The following ERCC4 variants were observed in gnomAD, a reference collection of about 807,000 sequenced individuals.
ERCC4 encodes DNA repair endonuclease XPF.
Under a neutral mutation model 76.9 loss-of-function variants are expected in ERCC4, and 65 were observed. That is an observed-to-expected ratio of 0.84 (90% CI 0.69 to 1.04). The LOEUF is 1.04. Ranked by LOEUF, ERCC4 falls within the 50% of genes least tolerant of loss-of-function variation. The pLI is 0.00. For missense variants in ERCC4, 1,214 were observed against 1,128.2 expected, an observed-to-expected ratio of 1.08 and a Z score of -1.09; for synonymous variants, 463 against 410.1, an observed-to-expected ratio of 1.13 and a Z score of -1.56.
intron 5 of ERCC4, 168 bp from the exon 6 acceptor site, chr16:13,931,989 A>G (rs972935032): frequency 3.0e-5 from 20 of 674,934 alleles, no homozygotes; most frequent in African/African-American, 5.3e-5. Flanking sequence ...CACACCCAGA[A>G]AACCACTGGT....
intron 5 of ERCC4, chr16:13,931,878 G>A (rs946535122): frequency 8.1e-5 from 31 of 380,872 alleles, no homozygotes; most frequent in Non-Finnish European, 1.3e-4. Context: ...AAATGTCAAC[G>A]CAGTGAAAAA....
At chr16:13,921,163 G>A (rs2031967767) in intron 1 of ERCC4, among the ~76,000 whole-genome samples, 1 of 86,588 alleles carries the variant, frequency 1.2e-5, no homozygotes, top group Non-Finnish European at 2.8e-5. Context: ...ATGCTGAGGC[G>A]CTGGAAAAAC....
chr16:13,935,248 C>A lies in ERCC4; in HGVS notation c.1316C>A (p.Thr439Asn), dbSNP rs758786333. ...EAFLLRLYRK[T>N]FEKDSKAEEV... ...TTCTTATTGAGGCTCTACAGGAAAA[C>A]CTTTGAGAAGGATAGCAAAGCTGAA... is the stretch of plus-strand genomic sequence containing the variant. The change falls in exon 8 of 11, where the codon ACC becomes AAC. Residue 439 changes from threonine (T) to asparagine (N), a missense_variant. Thr to Asn is a moderately conservative substitution (Grantham distance 65). Transcript: ENST00000311895. 5 of 1,613,918 alleles carry A rather than the reference C, an allele frequency of 3.1e-6. No individual in the cohort carries two copies. The Admixed American group carries it at 6.7e-5, about 22-fold the overall frequency.
chr16:13,937,824 C>A lies in ERCC4; in HGVS notation c.1870C>A (p.Arg624=), dbSNP rs766395322. 4.3e-6 allele frequency: 7 copies of A among 1,612,854 alleles called. No individual in the cohort carries two copies. In the East Asian group the frequency reaches 1.3e-4, roughly 31 times the overall value. ...GGAACAACGCTATCTCACTGCTTTGCGGAAAGAAAAGGAAGCTTTTGAAAA... is the reference window on the plus strand; with the variant it reads ...GGAACAACGCTATCTCACTGCTTTGAGGAAAGAAAAGGAAGCTTTTGAAAA... ...TEEQRYLTAL[R]KEKEAFEKLI... The change falls in exon 9 of 11, where the codon CGG becomes AGG. Residue 624 remains arginine (R), a synonymous_variant. Coordinates refer to ENST00000311895, the MANE Select transcript of ERCC4 (RefSeq NM_005236.3).
At chr16:13,921,174 C>G (rs1030483953) in intron 1 of ERCC4, among the ~76,000 whole-genome samples, 14 of 152,044 alleles carry the variant, frequency 9.2e-5, no homozygotes, top group Non-Finnish European at 1.9e-4. Context: ...CTGGAAAAAC[C>G]CCAATAGGGA....
At position 13,929,096 on chromosome 16, in the gene ERCC4, T is replaced by A. The variant is rs568346026; in HGVS notation, c.792+861T>A. On this transcript the variant is annotated intron_variant, in intron 4 of 10. Coordinates refer to ENST00000311895, the MANE Select transcript of ERCC4 (RefSeq NM_005236.3). The stretch of plus-strand genomic sequence containing the variant: ...TGATTTAGTCCATGGTGATTTTTTT[T>A]AAATCCCACACAATCTTTTAATAGA... Among the ~76,000 whole-genome samples the A allele has an allele frequency of 2.7e-3, 415 of 152,344 alleles. 1 individual carries two copies. Among genetic ancestry groups the A allele is most frequent in the Non-Finnish European group, 4.8e-3 (328 of 68,020 alleles).
chr16:13,931,926 C>G, intron 5 of ERCC4: 1 of 521,964 alleles, frequency 1.9e-6, no homozygotes, highest in South Asian at 3.0e-5. Flanking sequence ...GAGAAAAGTT[C>G]TGACATCACA....
chr16:13,947,559 A>T (rs3136224), intron 10 of ERCC4, 55 bp from the exon 11 acceptor site: 7 of 1,588,854 alleles, frequency 4.4e-6, no homozygotes, highest in Non-Finnish European at 4.3e-6. Flanking sequence ...AGATTTTGTT[A>T]TATTCCTTCT....
rs1212569398 is a variant in ERCC4 at position 13,944,854 on chromosome 16, C to G, written c.2017+19C>G. On this transcript the variant is annotated intron_variant, in intron 10 of 10. Transcript: ENST00000311895. ...AAAGCCGGTGAGTCCTGCACTTTGT[C>G]AGGCACCTCCATTGCCTGCAAAGGG... 3 of 1,464,838 alleles carry G rather than the reference C, an allele frequency of 2.0e-6. No individual in the cohort carries two copies. The highest frequency in any genetic ancestry group is 2.9e-6 in the Non-Finnish European group (3 of 1,044,166). 90.7% of individuals were successfully genotyped at this position (1,464,838 alleles called of 1,614,324 possible).
At chr16:13,938,782 G>A (rs2032355658) in intron 9 of ERCC4, among the ~76,000 whole-genome samples, 1 of 152,226 alleles carries the variant, frequency 6.6e-6, no homozygotes. Flanking sequence ...ATTTCAAAAT[G>A]GATAACCATT....
chr16:13,947,472 A>C, intron 10 of ERCC4, 142 bp from the exon 11 acceptor site: 10 of 944,402 alleles, frequency 1.1e-5, no homozygotes, highest in Non-Finnish European at 1.6e-5. Flanking sequence ...TTTTGAAAAT[A>C]TAGAAATTAT....
chr16:13,932,423 T>C, intron 6 of ERCC4, 138 bp downstream of exon 6: 1 of 749,474 alleles, frequency 1.3e-6, no homozygotes, highest in Non-Finnish European at 2.2e-6. Context: ...GTTTGTTATA[T>C]GTAACATGTA....
chr16:13,935,832 A>G (rs1250206400), intron 8 of ERCC4, 89 bp downstream of exon 8: 1 of 995,776 alleles, frequency 1.0e-6, no homozygotes, highest in Non-Finnish European at 1.6e-6. Flanking sequence ...GTTTTCTTTA[A>G]TATCCGTTAC....
At chr16:13,939,105 A>G (rs2032362926) in intron 9 of ERCC4, among the ~76,000 whole-genome samples, 1 of 152,068 alleles carries the variant, frequency 6.6e-6, no homozygotes. Context: ...GGGTATATAT[A>G]TTTTTCAAAA....
intron 9 of ERCC4, among the ~76,000 whole-genome samples, chr16:13,938,868 T>C (rs2032357880): frequency 6.6e-6 from 1 of 152,206 alleles, no homozygotes; most frequent in Admixed American, 6.5e-5. Context: ...AGAAGAATTC[T>C]TGGAAATGGG....
At chr16:13,929,000 C>G (rs1354205839) in intron 4 of ERCC4, among the ~76,000 whole-genome samples, 1 of 152,116 alleles carries the variant, frequency 6.6e-6, no homozygotes, top group Non-Finnish European at 1.5e-5. Context: ...TCAAAAAAGT[C>G]AGTTGACTAT....
At chr16:13,942,365 T>C (rs2032427546) in intron 9 of ERCC4, among the ~76,000 whole-genome samples, 2 of 152,248 alleles carry the variant, frequency 1.3e-5, no homozygotes, top group Admixed American at 6.5e-5. Context: ...TAACATTTAG[T>C]GGTAAACTAG....
chr16:13,935,475 C>G lies in ERCC4; in HGVS notation c.1543C>G (p.Arg515Gly), dbSNP rs866657450. The change falls in exon 8 of 11, where the codon CGT (arginine) becomes GGT (glycine). Residue 515 changes from arginine (R) to glycine (G), a missense_variant. Transcript: ENST00000311895. ...EEEGDVEEGYRREISSSPESC... is the reference protein window; with the variant it reads ...EEEGDVEEGYGREISSSPESC... ...GGAAGGAGATGTCGAGGAAGGATAT[C>G]GTCGAGAAATAAGCAGTAGCCCAGA... is the stretch of plus-strand genomic sequence containing the variant. 6.2e-7 allele frequency: 1 copy of G among 1,614,120 alleles called. No homozygotes were observed. Among genetic ancestry groups the G allele is most frequent in the Non-Finnish European group, 8.5e-7 (1 of 1,180,024 alleles).
At chr16:13,932,346 T>G in intron 6 of ERCC4, 61 bp downstream of exon 6, 1 of 1,489,866 alleles carries the variant, frequency 6.7e-7, no homozygotes, top group South Asian at 1.2e-5. Context: ...TATGGAAATT[T>G]AAAGTGCAAT....
Sources: allele counts gnomAD v4.1 joint callset (sites outside exome capture counted in the v4.1 genomes callset), GRCh38; gene constraint gnomAD v4.1.1; transcripts MANE v1.5; gene names NCBI Gene and HGNC (gene_info 2026-07-23, HGNC 2026-07-21).